Variants in CRHR2 observed in about 807,000 individuals in gnomAD.
CRHR2 encodes the protein corticotropin-releasing hormone receptor 2.
In CRHR2, 53 loss-of-function variants were observed where a neutral mutation model predicts 57.9. The ratio of observed to expected loss-of-function variants is 0.92; its 90% CI spans 0.73 to 1.15. The LOEUF is 1.15. Among genes scored for constraint, CRHR2 ranks in the 50% most tolerant of loss-of-function variants. The pLI is 0.00. For synonymous variants in CRHR2, 213 were observed against 220.9 expected (o/e 0.96, Z 0.32); for missense variants, 532 against 542.6 (o/e 0.98, Z 0.19).
intron 1 of CRHR2, among the ~76,000 whole-genome samples, chr7:30,695,111 C>G (rs2128151888): frequency 7.2e-6 from 1 of 138,522 alleles, no homozygotes; most frequent in East Asian, 2.1e-4. Flanking sequence ...ACGAGGCAGT[C>G]AGGCCCTGCA....
In CRHR2 at chr7:30,678,809, C is replaced by G. The variant is rs551354693; in HGVS notation, c.229+3106G>C. Reference sequence around the variant, plus strand: ...CACCATATCTTGTCAATTTCAAATGCCCAAGGTTGCTGGCGTCTTCAACCT... The same window carrying G: ...CACCATATCTTGTCAATTTCAAATGGCCAAGGTTGCTGGCGTCTTCAACCT... On this transcript the variant is annotated intron_variant, in intron 2 of 11. Coordinates refer to ENST00000471646, the MANE Select transcript of CRHR2 (RefSeq NM_001883.5). Among the ~76,000 whole-genome samples, 4 of 152,304 alleles carry G rather than the reference C, an allele frequency of 2.6e-5. No homozygotes were observed. The South Asian group carries it at 8.3e-4, about 32-fold the overall frequency.
At chr7:30,692,459 G>A (rs1453709330) in intron 1 of CRHR2, among the ~76,000 whole-genome samples, 2 of 152,230 alleles carry the variant, frequency 1.3e-5, no homozygotes, top group Non-Finnish European at 2.9e-5. Flanking sequence ...TGCTCATTGA[G>A]GAAACCGAAG....
At chr7:30,684,661 C>A (rs11979339), upstream of CRHR2, among the ~76,000 whole-genome samples, 3,331 of 152,234 alleles carry the variant, frequency 0.022, 121 homozygotes, top group African/African-American at 0.076. Flanking sequence ...GAGCACATAC[C>A]CACAGACCCA....
chr7:30,681,776 G>A, intron 2 of CRHR2, 139 bp downstream of exon 2: 3 of 1,295,586 alleles, frequency 2.3e-6, no homozygotes, highest in South Asian at 1.7e-5. Context: ...AACACTGTAA[G>A]GGGTCCTTAA....
intron 1 of CRHR2, among the ~76,000 whole-genome samples, chr7:30,694,144 C>T (rs1785011953): frequency 1.3e-5 from 2 of 152,212 alleles, no homozygotes; most frequent in Admixed American, 1.3e-4. Context: ...GAAACCATGG[C>T]CCCCTCAGCC....
In CRHR2 at chr7:30,665,583, G is replaced by C; in HGVS notation, c.372C>G (p.His124Gln). The change falls in exon 4 of 12, where the codon CAC becomes CAG. Residue 124 changes from histidine (H) to glutamine (Q), a missense_variant. By Grantham distance (24) the His-to-Gln change is conservative. Coordinates refer to ENST00000471646, the MANE Select transcript of CRHR2 (RefSeq NM_001883.5). The surrounding 1 kb of genome is among the most constrained non-coding windows in gnomAD (Gnocchi z 4.5). ...RIALVVNYLG[H>Q]CVSVAALVAA... Reference sequence around the variant, plus strand: ...CCACCAGGGCTGCCACAGATACGCAGTGGCCCAGGTAGTTGACGACAAGGG... The same window carrying C: ...CCACCAGGGCTGCCACAGATACGCACTGGCCCAGGTAGTTGACGACAAGGG... The C allele has an allele frequency of 6.4e-7, 1 of 1,564,574 alleles. No homozygotes were observed. The highest frequency in any genetic ancestry group is 1.2e-5 in the South Asian group (1 of 85,010).
intron 1 of CRHR2, chr7:30,699,836 C>T (rs894826984): frequency 3.8e-6 from 3 of 790,472 alleles, no homozygotes; most frequent in African/African-American, 1.9e-5. Flanking sequence ...CAAGGATCCC[C>T]GATCCAGCCC....
At chr7:30,657,829 C>T (rs979675897) in intron 8 of CRHR2, among the ~76,000 whole-genome samples, 1 of 152,122 alleles carries the variant, frequency 6.6e-6, no homozygotes, top group African/African-American at 2.4e-5. Flanking sequence ...TCCATCCATC[C>T]ATCTACCCAA....
chr7:30,663,626 C>A (rs1389162758), intron 5 of CRHR2, among the ~76,000 whole-genome samples: 1 of 152,160 alleles, frequency 6.6e-6, no homozygotes, highest in Admixed American at 6.5e-5. Context: ...CCCCAGGCAC[C>A]AAGGCTACCT....
intron 2 of CRHR2, among the ~76,000 whole-genome samples, chr7:30,673,383 T>C (rs140882898): frequency 4.6e-5 from 7 of 152,178 alleles, no homozygotes; most frequent in African/African-American, 1.7e-4. Flanking sequence ...TCATTTGTTA[T>C]TTTTTTGTTT....
chr7:30,691,383 C>G (rs1584141919), intron 1 of CRHR2, among the ~76,000 whole-genome samples: 1 of 152,234 alleles, frequency 6.6e-6, no homozygotes, highest in East Asian at 1.9e-4. Context: ...TGCCTTCTCT[C>G]AAAGCCCCTG....
rs1392183920 is a variant in CRHR2, at chr7:30,660,626, G to C, written c.778C>G (p.Pro260Ala). The C allele has an allele frequency of 1.3e-6, 2 of 1,570,666 alleles. No individual in the cohort carries two copies. The highest frequency in any genetic ancestry group is 2.3e-5 in the East Asian group (1 of 42,786). The change falls in exon 8 of 12, where the codon CCT becomes GCT. Residue 260 changes from proline (P) to alanine (A), a missense_variant. Transcript: ENST00000471646. The stretch of plus-strand genomic sequence containing the variant: ...TAGATGTAGTCCACCAGGTCGCCAG[G>C]CTCCTTGCCAAACCAGCACCTGTGA... ...ENEQCWFGKE[P>A]GDLVDYIYQG...
chr7:30,659,912 G>C (rs1378455708), intron 8 of CRHR2, among the ~76,000 whole-genome samples: 1 of 152,140 alleles, frequency 6.6e-6, no homozygotes, highest in Non-Finnish European at 1.5e-5. Context: ...TTCTTACGGG[G>C]CTTTTTTGTA....
rs774678915 is a variant in CRHR2, at chr7:30,652,541, C to T, written c.*919G>A. 5.3e-5 allele frequency: 8 copies of T among 152,278 alleles called. No homozygotes were observed. The highest frequency in any genetic ancestry group is 1.0e-4 in the Non-Finnish European group (7 of 68,074). 9.4% of individuals were successfully genotyped at this position (152,278 alleles called of 1,614,324 possible). On this transcript the variant is annotated 3_prime_UTR_variant, in exon 12 of 12. Transcript: ENST00000471646. The surrounding 1 kb of genome is among the most constrained non-coding windows in gnomAD (Gnocchi z 4.4). ...CAGCCACGATCCTTGGCCCACACCA[C>T]TCTTCGGGTGCCTGGGTGACTTGAC...
At chr7:30,692,659 G>T (rs899221446) in intron 1 of CRHR2, among the ~76,000 whole-genome samples, 1 of 152,200 alleles carries the variant, frequency 6.6e-6, no homozygotes, top group Non-Finnish European at 1.5e-5. Flanking sequence ...GAGAAGAAGA[G>T]GGGAGACAGG....
At chr7:30,667,140 G>A (rs374932396) in intron 3 of CRHR2, 88 bp downstream of exon 3, 3 of 1,186,860 alleles carry the variant, frequency 2.5e-6, no homozygotes, top group South Asian at 1.3e-5. Context: ...CAAAAGGACT[G>A]GTCTGCCCCC....
At chr7:30,689,130 TCCCGCA>T in intron 2 of CRHR2, 1 of 1,449,006 alleles carries the variant, frequency 6.9e-7, no homozygotes. Context: ...AGCCTCTTCC[TCCCGCA>T]GGGCCCACCC....
At chr7:30,686,952 G>A (rs1409931581), upstream of CRHR2, among the ~76,000 whole-genome samples, 2 of 152,008 alleles carry the variant, frequency 1.3e-5, no homozygotes, top group Non-Finnish European at 2.9e-5. Context: ...GTATGTAGTA[G>A]ACAATATAAT....
chr7:30,669,703 T>C (rs1784297873), intron 2 of CRHR2, among the ~76,000 whole-genome samples: 3 of 152,188 alleles, frequency 2.0e-5, no homozygotes, highest in South Asian at 2.1e-4. Context: ...ACCTTGACCA[T>C]GTTGATTTCT....
Sources: gnomAD v4.1 joint callset for allele counts (sites outside exome capture counted in the v4.1 genomes callset) on GRCh38, gnomAD v4.1.1 for gene constraint, Gnocchi (gnomAD v3.1) non-coding constraint, MANE v1.5 for transcripts, NCBI Gene and HGNC (gene_info 2026-07-23, HGNC 2026-07-21) for gene names.